Variants in ATXN8OS observed in about 807,000 individuals in gnomAD.
ATXN8OS encodes the protein ATXN8 opposite strand (non-protein coding).
At chr13:70,119,232 C>A (rs781762614) in intron 2 of ATXN8OS, among the ~76,000 whole-genome samples, 2 of 152,096 alleles carry the variant, frequency 1.3e-5, no homozygotes, top group Non-Finnish European at 2.9e-5. Context: ...CTCAAACTTA[C>A]AAAAATGAGG....
chr13:70,162,515 G>A (rs1889021392), intron 4 of ATXN8OS, among the ~76,000 whole-genome samples: 1 of 152,026 alleles, frequency 6.6e-6, no homozygotes, highest in South Asian at 2.1e-4. Context: ...AAGCAGGGAC[G>A]TTGTTGCAGG....
chr13:70,151,170 A>G (rs1342558775), intron 4 of ATXN8OS, among the ~76,000 whole-genome samples: 1 of 152,094 alleles, frequency 6.6e-6, no homozygotes, highest in African/African-American at 2.4e-5. Context: ...CATGAGAGCT[A>G]CACTTTTAAA....
At chr13:70,139,430 A>AT in intron 3 of ATXN8OS, 1 of 608,260 alleles carries the variant, frequency 1.6e-6, no homozygotes, top group Non-Finnish European at 2.7e-6. Context: ...CTGCTGCTGC[A>AT]TTTTTTAAAA....
intron 3 of ATXN8OS, among the ~76,000 whole-genome samples, chr13:70,141,373 C>T (rs1888713210): frequency 6.6e-6 from 1 of 152,152 alleles, no homozygotes; most frequent in African/African-American, 2.4e-5. Context: ...CCTACAGATT[C>T]TTACCATATA....
chr13:70,141,035 G>T (rs945468925), intron 3 of ATXN8OS, among the ~76,000 whole-genome samples: 8 of 152,128 alleles, frequency 5.3e-5, no homozygotes, highest in African/African-American at 1.9e-4. Flanking sequence ...AACAATAAAA[G>T]ACTATATTTA....
intron 2 of ATXN8OS, among the ~76,000 whole-genome samples, chr13:70,128,477 T>C (rs906665301): frequency 6.6e-6 from 1 of 152,060 alleles, no homozygotes; most frequent in African/African-American, 2.4e-5. Flanking sequence ...CAAATGGTCT[T>C]GAAGAGTAGA....
chr13:70,118,946 T>C (rs986077250), intron 2 of ATXN8OS, among the ~76,000 whole-genome samples: 1 of 152,050 alleles, frequency 6.6e-6, no homozygotes, highest in South Asian at 2.1e-4. Context: ...ACCCAGACTA[T>C]AGATTTCTGG....
At chr13:70,107,673 G>A (rs1888107030), upstream of ATXN8OS, 1 of 1,534,126 alleles carries the variant, frequency 6.5e-7, no homozygotes, top group Admixed American at 2.1e-5. Flanking sequence ...GCTTCACATC[G>A]AAGTCTTTTC....
chr13:70,131,674 C>A (rs1566601024), intron 3 of ATXN8OS: 1 of 395,082 alleles, frequency 2.5e-6, no homozygotes, highest in Non-Finnish European at 4.5e-6. Flanking sequence ...CTCTGGCCAA[C>A]CCAGACTAGA....
At position 70,153,138 on chromosome 13, in the gene ATXN8OS, A is replaced by C. The variant is rs924041924; in HGVS notation, n.573+5710A>C. ...AAAAGTACATTTTATGACAATATTT[A>C]AGTGAGTTCAGCACATCTCTGAGAG... On this transcript the variant is annotated intron_variant and non_coding_transcript_variant, in intron 4 of 4. Coordinates refer to ENST00000678624, the Ensembl canonical transcript of ATXN8OS. 5.3e-5 allele frequency among the ~76,000 whole-genome samples: 8 copies of C among 152,040 alleles called. No homozygotes were observed. In the East Asian group the frequency reaches 1.5e-3, roughly 29 times the overall value.
At chr13:70,140,504 G>C (rs1161332583) in intron 3 of ATXN8OS, among the ~76,000 whole-genome samples, 1 of 120,854 alleles carries the variant, frequency 8.3e-6, no homozygotes, top group East Asian at 2.5e-4. Context: ...ACTTCCCCTA[G>C]AATTTGCTTA....
intron 3 of ATXN8OS, among the ~76,000 whole-genome samples, chr13:70,147,131 A>G (rs992366926): frequency 6.6e-6 from 1 of 152,148 alleles, no homozygotes; most frequent in Non-Finnish European, 1.5e-5. Flanking sequence ...GTCAAAATAC[A>G]ATGTATTGTC....
intron 1 of ATXN8OS, among the ~76,000 whole-genome samples, chr13:70,109,515 T>C (rs1235950354): frequency 6.6e-6 from 1 of 152,110 alleles, no homozygotes; most frequent in East Asian, 1.9e-4. Flanking sequence ...CAAAGCTAAA[T>C]TTGGAGTCCT....
intron 1 of ATXN8OS, among the ~76,000 whole-genome samples, chr13:70,109,259 G>A (rs1487754127): frequency 6.6e-6 from 1 of 152,172 alleles, no homozygotes; most frequent in Non-Finnish European, 1.5e-5. Context: ...TTCAGTACAT[G>A]ACTACTTGGA....
At chr13:70,134,971 T>G (rs1888591342) in intron 3 of ATXN8OS, among the ~76,000 whole-genome samples, 1 of 152,174 alleles carries the variant, frequency 6.6e-6, no homozygotes, top group African/African-American at 2.4e-5. Context: ...TCTTGTTCTC[T>G]TGGGATGGAA....
intron 4 of ATXN8OS, among the ~76,000 whole-genome samples, chr13:70,148,408 CTCTT>C (rs1446030281): frequency 6.6e-6 from 1 of 152,042 alleles, no homozygotes; most frequent in Non-Finnish European, 1.5e-5. Context: ...CTTAGGATCT[CTCTT>C]TTAATGTTAA....
intron 4 of ATXN8OS, among the ~76,000 whole-genome samples, chr13:70,169,750 T>C (rs1566623756): frequency 2.0e-5 from 3 of 152,126 alleles, no homozygotes; most frequent in Non-Finnish European, 1.5e-5. Context: ...CCTTCTGTGA[T>C]AGGACAATGT....
At chr13:70,113,486 T>G (rs1196342968) in intron 1 of ATXN8OS, among the ~76,000 whole-genome samples, 4 of 152,140 alleles carry the variant, frequency 2.6e-5, no homozygotes, top group Admixed American at 2.6e-4. Context: ...AAAAGTAATT[T>G]CATTATTTTG....
chr13:70,130,511 G>A (rs780675707), intron 3 of ATXN8OS, among the ~76,000 whole-genome samples: 34 of 152,116 alleles, frequency 2.2e-4, no homozygotes, highest in Non-Finnish European at 3.8e-4. Context: ...GGAAGAATGC[G>A]TGATACAGAT....
Sources: allele counts gnomAD v4.1 joint callset (sites outside exome capture counted in the v4.1 genomes callset), GRCh38; gene constraint gnomAD v4.1.1; transcripts MANE v1.5; gene names NCBI Gene and HGNC (gene_info 2026-07-23, HGNC 2026-07-21).